The following ZBTB21 variants were observed in gnomAD, a reference collection of about 807,000 sequenced individuals.
ZBTB21 encodes zinc finger and BTB domain-containing protein 21.
In ZBTB21, 10 loss-of-function variants were observed where a neutral mutation model predicts 39.8. The ratio of observed to expected loss-of-function variants is 0.25; its 90% confidence interval spans 0.16 to 0.43. ZBTB21 has a LOEUF of 0.43. Ranked by LOEUF, ZBTB21 falls within the 20% of genes least tolerant of loss-of-function variation. The probability of loss-of-function intolerance (pLI) is 1.00; values close to 1 mark genes in which losing one functional copy is unlikely to be tolerated. For missense variants in ZBTB21, 1,221 were observed against 1,296.3 expected, an observed-to-expected ratio of 0.94 and a Z score of 0.89; for synonymous variants, 551 against 498.8, an observed-to-expected ratio of 1.10 and a Z score of -1.40.
chr21:42,009,885 C>CCGCGCGAGGGGCG (rs1320516554), intron 1 of ZBTB21, among the ~76,000 whole-genome samples: 1 of 152,190 alleles, frequency 6.6e-6, no homozygotes, highest in Non-Finnish European at 1.5e-5. Context: ...TTCAACCGCT[C>CCGCGCGAGGGGCG]CGCGCGAGGG....
Position 41,991,796 on chromosome 21 carries a change from T to C in ZBTB21, c.2300A>G (p.Glu767Gly), listed in dbSNP as rs146730935. ...CAGCTTCTTATACTCACACTTGCTC[T>C]CGTGTTCTTGCTTCAGCTCGGGCGA... ...FFSPELKQEH[E>G]SKCEYKKLTC... is the part of the protein sequence containing the mutation. The change falls in exon 3 of 3, where the codon GAG becomes GGG. Residue 767 changes from glutamate to glycine, a missense_variant. Physicochemically the swap from Glu to Gly is moderately conservative, Grantham distance 98. Around this residue, in one of 4 missense-constraint regions of ZBTB21, gnomAD observed 523 missense variants for 542.5 expected, o/e 0.96. Transcript: ENST00000310826. This position sits in a 1 kb window ranked among gnomAD's most constrained non-coding sequence, Gnocchi z 4.9. The C allele has an allele frequency of 6.2e-7, 1 of 1,614,212 alleles. No individual in the cohort carries two copies. Among genetic ancestry groups the C allele is most frequent in the African/African-American group, 1.3e-5 (1 of 75,058 alleles).
rs746508799 is a variant in ZBTB21, at chr21:41,990,859, G to T, written c.*36C>A. On this transcript the variant is annotated 3_prime_UTR_variant, in exon 3 of 3. Transcript: ENST00000310826. ...CATTTCACAATTCAGGTTGAAATCT[G>T]GGGACTGCCTCCCATAGGTAAAAAG... 8.5e-6 allele frequency: 12 copies of T among 1,405,404 alleles called. No individual in the cohort carries two copies. Among genetic ancestry groups the T allele is most frequent in the African/African-American group, 1.5e-5 (1 of 68,914 alleles). 87.1% of individuals were successfully genotyped at this position (1,405,404 alleles called of 1,614,324 possible).
chr21:41,995,905 C>T (rs2065740006), intron 2 of ZBTB21, among the ~76,000 whole-genome samples: 1 of 152,252 alleles, frequency 6.6e-6, no homozygotes. Flanking sequence ...GTGCAAGCTC[C>T]AAGCCTTGGC....
chr21:42,006,117 CTT>C (rs979483687), intron 1 of ZBTB21, among the ~76,000 whole-genome samples: 20 of 152,172 alleles, frequency 1.3e-4, no homozygotes, highest in African/African-American at 4.1e-4. Context: ...TTTCAAATGA[CTT>C]TTAAAATTTT....
rs1029883113 is a variant in ZBTB21, at chr21:42,010,306, C to G, written c.-133G>C. On this transcript the variant is annotated 5_prime_UTR_variant, in exon 1 of 3. Transcript: ENST00000310826. ...CCCCTTTCCGCTCACACTCGGCTCG[C>G]GCGCGCCGCAGCCGCCGCTGCCGCT... The G allele has an allele frequency of 8.5e-5, 34 of 398,540 alleles. No homozygotes were observed. The South Asian group carries it at 1.3e-3, about 15-fold the overall frequency. 24.7% of individuals were successfully genotyped at this position (398,540 alleles called of 1,614,324 possible). A position where few individuals can be genotyped will look rare whatever the true frequency, so the allele number is the denominator to read the frequency against.
rs2065672645 is a variant in ZBTB21 at position 41,992,330 on chromosome 21, T to C, written c.1766A>G (p.Lys589Arg). ...ICHKRFHTNF[K>R]VWTHCQTQHG... ...TTGGGTCTGACAGTGTGTCCACACT[T>C]TGAAGTTGGTGTGAAACCTCTTGTG... The change falls in exon 3 of 3, where the codon AAA becomes AGA. Residue 589 changes from lysine (K) to arginine (R), a missense_variant. Lys to Arg is a conservative substitution (Grantham distance 26). Around this residue, in one of 4 missense-constraint regions of ZBTB21, gnomAD observed 90 missense variants for 133.1 expected, o/e 0.68. Coordinates refer to ENST00000310826, the MANE Select transcript of ZBTB21 (RefSeq NM_001098402.2). The surrounding 1 kb of genome is among the most constrained non-coding windows in gnomAD (Gnocchi z 4.1). The C allele has an allele frequency of 1.9e-6, 3 of 1,614,092 alleles. No homozygotes were observed. Among genetic ancestry groups the C allele is most frequent in the African/African-American group, 2.7e-5 (2 of 74,924 alleles).
At chr21:41,997,821 T>C (rs2065768808) in intron 2 of ZBTB21, among the ~76,000 whole-genome samples, 1 of 152,100 alleles carries the variant, frequency 6.6e-6, no homozygotes. Flanking sequence ...GGCCTAGTGG[T>C]AGAGTGCAAG....
intron 2 of ZBTB21, among the ~76,000 whole-genome samples, chr21:41,995,552 T>C (rs747862722): frequency 1.3e-5 from 2 of 152,098 alleles, no homozygotes; most frequent in Non-Finnish European, 2.9e-5. Flanking sequence ...ATAAGGGAAG[T>C]AGAGAATAAA....
Position 41,991,586 on chromosome 21 carries a change from T to G in ZBTB21, c.2510A>C (p.His837Pro). ...QSQPEPNKVN[H>P]IVTTKDDNVF... ...GTTGTCGTCTTTTGTGGTGACGATGTGGTTTACTTTGTTGGGCTCAGGCTG... is the reference window on the plus strand; with the variant it reads ...GTTGTCGTCTTTTGTGGTGACGATGGGGTTTACTTTGTTGGGCTCAGGCTG... Residue 837 changes from histidine (H) to proline (P), a missense_variant, in exon 3 of 3, where the codon CAC becomes CCC. His to Pro is a moderately conservative substitution (Grantham distance 77). This residue lies in a region of ZBTB21 where 523 missense variants were observed against 542.5 expected (regional missense o/e 0.96). Coordinates refer to ENST00000310826, the MANE Select transcript of ZBTB21 (RefSeq NM_001098402.2). The surrounding 1 kb of genome is among the most constrained non-coding windows in gnomAD (Gnocchi z 4.9). 6.2e-7 allele frequency: 1 copy of G among 1,614,212 alleles called. No homozygotes were observed. Among genetic ancestry groups the G allele is most frequent in the Non-Finnish European group, 8.5e-7 (1 of 1,180,048 alleles).
intron 2 of ZBTB21, among the ~76,000 whole-genome samples, chr21:42,002,028 T>G (rs1219896606): frequency 6.6e-6 from 1 of 152,142 alleles, no homozygotes; most frequent in Admixed American, 6.5e-5. Flanking sequence ...GAAATGCCCA[T>G]GAGGCTGGAG....
chr21:42,007,677 T>C (rs1375103905), intron 1 of ZBTB21: 1 of 152,226 alleles, frequency 6.6e-6, no homozygotes, highest in Non-Finnish European at 1.5e-5. Flanking sequence ...CTTTTACATG[T>C]GTCTCCCCCA....
intron 2 of ZBTB21, among the ~76,000 whole-genome samples, chr21:42,001,211 C>G (rs374325060): frequency 4.6e-5 from 7 of 152,178 alleles, no homozygotes; most frequent in Non-Finnish European, 1.0e-4. Context: ...AACCCCTACA[C>G]GACACTGCCT....
At position 41,987,110 on chromosome 21, in the gene ZBTB21, T is replaced by C. The variant is rs547892380; in HGVS notation, c.*3785A>G. On this transcript the variant is annotated 3_prime_UTR_variant, in exon 3 of 3. Transcript: ENST00000310826. ...TTCAATGGAAAACTTGAAATAGCCT[T>C]GGACTAATGTTCTGAAAACTAGTAT... 1.2e-4 allele frequency: 18 copies of C among 152,682 alleles called. No individual in the cohort carries two copies. Among genetic ancestry groups the C allele is most frequent in the African/African-American group, 4.3e-4 (18 of 41,582 alleles). The allele number at this position is 152,682 out of a possible 1,614,324, so 9.5% of individuals were successfully genotyped here.
In ZBTB21 at chr21:41,992,832, A is replaced by T. The variant is rs2146285713; in HGVS notation, c.1264T>A (p.Ser422Thr). Residue 422 changes from serine (S) to threonine (T), a missense_variant, in exon 3 of 3, where the codon TCC (serine) becomes ACC (threonine). Around this residue, in one of 4 missense-constraint regions of ZBTB21, gnomAD observed 500 missense variants for 465.6 expected, o/e 1.07. Transcript: ENST00000310826. The surrounding 1 kb of genome is among the most constrained non-coding windows in gnomAD (Gnocchi z 4.1). The part of the protein sequence containing the change: ...ASQSTDREGA[S>T]PVTEVRIKTE... ...TTTATGCGCACCTCAGTCACAGGGG[A>T]AGCTCCCTCCCTGTCTGTTGACTGA... 1 of 1,614,132 alleles carries T rather than the reference A, an allele frequency of 6.2e-7. No homozygotes were observed. The highest frequency in any genetic ancestry group is 1.3e-5 in the African/African-American group (1 of 75,030).
intron 1 of ZBTB21, among the ~76,000 whole-genome samples, chr21:42,008,558 A>AAG (rs1555912659): frequency 1.6e-5 from 2 of 128,038 alleles, no homozygotes; most frequent in African/African-American, 5.1e-5. Flanking sequence ...AAAAAAAAAA[A>AAG]AAAAGAAAAA....
intron 1 of ZBTB21, among the ~76,000 whole-genome samples, chr21:42,006,173 G>C (rs1333012793): frequency 1.3e-5 from 2 of 152,168 alleles, no homozygotes; most frequent in Admixed American, 6.5e-5. Context: ...CCAGCACTTT[G>C]GGAAGCCAAG....
At position 41,992,913 on chromosome 21, in the gene ZBTB21, G is replaced by C. The variant is rs2065687299; in HGVS notation, c.1183C>G (p.Leu395Val). 1 of 1,614,080 alleles carries C rather than the reference G, an allele frequency of 6.2e-7. No homozygotes were observed. The highest frequency in any genetic ancestry group is 8.5e-7 in the Non-Finnish European group (1 of 1,180,044). The stretch of plus-strand genomic sequence containing the variant: ...TGTAGCACTTGAGGCCTGTCATCTA[G>C]GGCTGTTTTTTCACTACAATCTTTT... Reference protein sequence around the residue: ...SLKDCSEKTALDDRPQVLQPH... With the variant: ...SLKDCSEKTAVDDRPQVLQPH... The change falls in exon 3 of 3, where the codon CTA becomes GTA. Residue 395 changes from leucine (L) to valine (V), a missense_variant. Coordinates refer to ENST00000310826, the MANE Select transcript of ZBTB21 (RefSeq NM_001098402.2). This position sits in a 1 kb window ranked among gnomAD's most constrained non-coding sequence, Gnocchi z 4.1.
chr21:41,994,318 G>T (rs1240759488), intron 2 of ZBTB21, among the ~76,000 whole-genome samples: 1 of 152,136 alleles, frequency 6.6e-6, no homozygotes, highest in Admixed American at 6.5e-5. Flanking sequence ...CATTAAAATA[G>T]AAGAATTGCA....
rs1235588505 is a variant in ZBTB21 at position 41,986,857 on chromosome 21, T to C, written c.*4038A>G. On this transcript the variant is annotated 3_prime_UTR_variant, in exon 3 of 3. Coordinates refer to ENST00000310826, the MANE Select transcript of ZBTB21 (RefSeq NM_001098402.2). ...CGAAGCAAAATACAGTACAAATTTATTGACTCCAATCATTCTTAGTCAACA... is the reference window on the plus strand; with the variant it reads ...CGAAGCAAAATACAGTACAAATTTACTGACTCCAATCATTCTTAGTCAACA... 2 of 152,634 alleles carry C rather than the reference T, an allele frequency of 1.3e-5. No individual in the cohort carries two copies. The highest frequency in any genetic ancestry group is 2.1e-4 in the South Asian group (1 of 4,828). 9.5% of individuals were successfully genotyped at this position (152,634 alleles called of 1,614,324 possible).
Sources: allele counts gnomAD v4.1 joint callset (sites outside exome capture counted in the v4.1 genomes callset), GRCh38; gene constraint gnomAD v4.1.1; regional missense constraint gnomAD v4.1.1; non-coding constraint Gnocchi (gnomAD v3.1); transcripts MANE v1.5; gene names NCBI Gene and HGNC (gene_info 2026-07-23, HGNC 2026-07-21).